Variants in NEBL observed in about 807,000 individuals in gnomAD.
The protein encoded by NEBL is LIM and SH3 protein 2.
A neutral mutation model predicts 140.2 loss-of-function variants in NEBL; 122 were observed. The observed-to-expected ratio is 0.87, with a 90% CI of 0.75 to 1.01. The LOEUF is 1.01. Among genes scored for constraint, NEBL ranks in the 50% least tolerant of loss-of-function variants. The pLI is 0.00. For missense variants in NEBL, 1,365 were observed against 1,231.3 expected, an observed-to-expected ratio of 1.11 and a Z score of -1.62; for synonymous variants, 436 against 398.9, an observed-to-expected ratio of 1.09 and a Z score of -1.11.
chr10:21,255,626 T>C (rs1244847109), intron 1 of NEBL, among the ~76,000 whole-genome samples: 1 of 152,214 alleles, frequency 6.6e-6, no homozygotes, highest in Non-Finnish European at 1.5e-5. Flanking sequence ...GAAATTTCAC[T>C]GCAATGCTGC....
At chr10:21,206,406 C>T (rs1841825330) in intron 3 of NEBL, among the ~76,000 whole-genome samples, 1 of 152,124 alleles carries the variant, frequency 6.6e-6, no homozygotes, top group South Asian at 2.1e-4. Context: ...GAAGTCGTTC[C>T]TTTTACATGC....
chr10:21,162,488 A>G (rs561790308), intron 2 of NEBL, among the ~76,000 whole-genome samples: 1 of 152,288 alleles, frequency 6.6e-6, no homozygotes, highest in South Asian at 2.1e-4. Flanking sequence ...CTAACTCCAC[A>G]TGGTTGGCAT....
Position 20,880,836 on chromosome 10 carries a change from A to G in NEBL, c.438T>C (p.Pro146=), listed in dbSNP as rs780880217. 2.5e-6 allele frequency: 4 copies of G among 1,613,986 alleles called. No individual in the cohort carries two copies. Among genetic ancestry groups the G allele is most frequent in the Non-Finnish European group, 2.5e-6 (3 of 1,180,002 alleles). Residue 146 remains proline (P), a synonymous_variant, in exon 5 of 28, where the codon CCT becomes CCC. Transcript: ENST00000377122. ...TGACCTCCATGGCATGTTTAACCTC[A>G]GGGGGCTCCTTCATGTGGGCATAAT... ...FSDYAHMKEP[P]EVKHAMEVNK... is the part of the protein sequence containing the mutation.
intron 3 of NEBL, among the ~76,000 whole-genome samples, chr10:21,211,521 T>C (rs1189081657): frequency 6.6e-6 from 1 of 151,956 alleles, no homozygotes; most frequent in African/African-American, 2.4e-5. Context: ...AGGTTTTTTT[T>C]CTCCTGAGTT....
chr10:21,219,226 G>T (rs1470726583), intron 3 of NEBL, among the ~76,000 whole-genome samples: 3 of 152,166 alleles, frequency 2.0e-5, no homozygotes, highest in African/African-American at 7.2e-5. Context: ...GTGAGAAAAG[G>T]TATTAATTAT....
intron 9 of NEBL, among the ~76,000 whole-genome samples, chr10:20,853,214 A>G (rs1452588373): frequency 1.3e-5 from 2 of 152,206 alleles, no homozygotes; most frequent in East Asian, 3.9e-4. Flanking sequence ...TGCCTGAAAG[A>G]GAAATTGAGA....
At chr10:20,944,127 A>C (rs1387347423) in intron 4 of NEBL, among the ~76,000 whole-genome samples, 1 of 152,244 alleles carries the variant, frequency 6.6e-6, no homozygotes, top group East Asian at 1.9e-4. Context: ...GGCCGGGCGC[A>C]GTGGCTCAAT....
At chr10:20,839,991 C>G (rs987827927) in intron 13 of NEBL, among the ~76,000 whole-genome samples, 1 of 152,152 alleles carries the variant, frequency 6.6e-6, no homozygotes, top group Admixed American at 6.5e-5. Context: ...GACAGTAACT[C>G]AATCTTCGGA....
At chr10:21,278,421 G>A (rs2132295575) in intron 1 of NEBL, among the ~76,000 whole-genome samples, 1 of 152,322 alleles carries the variant, frequency 6.6e-6, no homozygotes, top group Admixed American at 6.5e-5. Flanking sequence ...TCCAGGCTAG[G>A]TGACAGAGTA....
At chr10:20,916,470 G>A (rs940976974) in intron 4 of NEBL, among the ~76,000 whole-genome samples, 2 of 152,258 alleles carry the variant, frequency 1.3e-5, no homozygotes, top group Admixed American at 1.3e-4. Context: ...GCAGTGGCAC[G>A]ATCTTGGCTC....
intron 1 of NEBL, among the ~76,000 whole-genome samples, chr10:21,277,884 T>C (rs1842944120): frequency 6.6e-6 from 1 of 152,202 alleles, no homozygotes; most frequent in Admixed American, 6.5e-5. Context: ...CTCCAACTCT[T>C]GGGCTCAAGT....
intron 3 of NEBL, among the ~76,000 whole-genome samples, chr10:20,976,641 C>T (rs908659490): frequency 3.3e-5 from 5 of 152,078 alleles, no homozygotes; most frequent in African/African-American, 1.2e-4. Flanking sequence ...GAGCTAGAGG[C>T]CATTATCCTA....
chr10:21,037,439 A>G (rs1162782616), intron 2 of NEBL, among the ~76,000 whole-genome samples: 1 of 94,472 alleles, frequency 1.1e-5, no homozygotes, highest in Non-Finnish European at 2.4e-5. Flanking sequence ...AACAAATTGC[A>G]AAGAAAAAAA....
At chr10:20,872,901 C>T (rs775194544) in intron 5 of NEBL, among the ~76,000 whole-genome samples, 13 of 152,174 alleles carry the variant, frequency 8.5e-5, no homozygotes, top group Non-Finnish European at 1.9e-4. Flanking sequence ...AAGAAATAAC[C>T]ATAAAAGTGG....
intron 4 of NEBL, among the ~76,000 whole-genome samples, chr10:20,911,274 T>A (rs1388941436): frequency 6.6e-6 from 1 of 152,210 alleles, no homozygotes; most frequent in Non-Finnish European, 1.5e-5. Context: ...GTAAATTCTA[T>A]CAGGATCCCC....
intron 7 of NEBL, among the ~76,000 whole-genome samples, chr10:20,867,508 C>T (rs1217335056): frequency 1.3e-5 from 2 of 152,108 alleles, no homozygotes; most frequent in Non-Finnish European, 2.9e-5. Flanking sequence ...TTACCTTTTT[C>T]ATTCAGAGAG....
At chr10:21,093,717 TCTAAG>T (rs1404680954) in intron 2 of NEBL, among the ~76,000 whole-genome samples, 1 of 152,234 alleles carries the variant, frequency 6.6e-6, no homozygotes, top group Non-Finnish European at 1.5e-5. Context: ...TTCAGGTATA[TCTAAG>T]CTCATCCACT....
At chr10:20,859,668 G>T in intron 8 of NEBL, 45 bp downstream of exon 8, 91 of 1,260,612 alleles carry the variant, frequency 7.2e-5, no homozygotes, top group Non-Finnish European at 1.0e-4. Flanking sequence ...AAAAAAACAA[G>T]AATCAAAAGA....
chr10:21,092,354 G>T (rs961036986), intron 2 of NEBL, among the ~76,000 whole-genome samples: 1 of 152,042 alleles, frequency 6.6e-6, no homozygotes, highest in African/African-American at 2.4e-5. Context: ...AATATAGAAG[G>T]CAGTTAGATT....
Sources: gnomAD v4.1 joint callset for allele counts (sites outside exome capture counted in the v4.1 genomes callset) on GRCh38, gnomAD v4.1.1 for gene constraint, MANE v1.5 for transcripts, NCBI Gene and HGNC (gene_info 2026-07-23, HGNC 2026-07-21) for gene names.